Variants in CNTN4 observed in about 807,000 individuals in gnomAD.
CNTN4 encodes the protein contactin 4.
In CNTN4, 77 loss-of-function variants were observed where a neutral mutation model predicts 122.5. The observed-to-expected ratio is 0.63, with a 90% CI of 0.52 to 0.76. The LOEUF is 0.76. CNTN4 is among the 30% of genes least tolerant of loss of function. The probability of loss-of-function intolerance (pLI) is 0.00; values close to 1 mark genes in which losing one functional copy is unlikely to be tolerated. For synonymous variants in CNTN4, 512 were observed against 447.0 expected (o/e 1.15, Z -1.83); for missense variants, 1,256 against 1,259.1 (o/e 1.00, Z 0.04).
At chr3:2,651,450 A>G (rs1342552152) in intron 4 of CNTN4, among the ~76,000 whole-genome samples, 1 of 152,182 alleles carries the variant, frequency 6.6e-6, no homozygotes, top group Non-Finnish European at 1.5e-5. Flanking sequence ...TGGAACCTAC[A>G]AGACAAGCAC....
chr3:2,850,114 C>T lies in CNTN4; in HGVS notation c.455-16638C>T, dbSNP rs780448760. ...AAGTGATTCTCCTGCCTCAGCCTCC[C>T]GAATAGCTGGGATTACAGGCACGCC... On this transcript the variant is annotated intron_variant, in intron 7 of 24. Coordinates refer to ENST00000418658, the MANE Select transcript of CNTN4 (RefSeq NM_175607.3). 3.3e-5 allele frequency among the ~76,000 whole-genome samples: 5 copies of T among 151,904 alleles called. No homozygotes were observed. The South Asian group carries it at 6.3e-4, about 19-fold the overall frequency.
At chr3:2,627,763 G>C (rs1044584739) in intron 4 of CNTN4, among the ~76,000 whole-genome samples, 5 of 152,218 alleles carry the variant, frequency 3.3e-5, no homozygotes, top group South Asian at 4.2e-4. Flanking sequence ...AAAGTGCTGG[G>C]ATTACAGGCG....
chr3:2,387,880 A>G (rs1026053665), intron 3 of CNTN4, among the ~76,000 whole-genome samples: 1 of 152,206 alleles, frequency 6.6e-6, no homozygotes, highest in Non-Finnish European at 1.5e-5. Context: ...ATAAAGTGTG[A>G]ATCAAATTGA....
intron 6 of CNTN4, among the ~76,000 whole-genome samples, chr3:2,800,079 C>CTTTT (rs11449693): frequency 7.3e-6 from 1 of 136,490 alleles, no homozygotes; most frequent in African/African-American, 2.7e-5. Flanking sequence ...ATGCCATCTA[C>CTTTT]TTTTTTTTTT....
rs1576528829 is a variant in CNTN4 at position 2,709,332 on chromosome 3, C to T, written c.56-26883C>T. ...CTCAACCTTGGCTGCATATTAGAAT[C>T]ATCTGGGGGTCCTTAAAAAATACTG... is the stretch of plus-strand genomic sequence containing the variant. On this transcript the variant is annotated intron_variant, in intron 4 of 24. Transcript: ENST00000418658. This position sits in a 1 kb window ranked among gnomAD's most constrained non-coding sequence, Gnocchi z 5.0. Among the ~76,000 whole-genome samples the T allele has an allele frequency of 1.3e-5, 2 of 152,146 alleles. No individual in the cohort carries two copies. The highest frequency in any genetic ancestry group is 6.5e-5 in the Admixed American group (1 of 15,274).
chr3:2,575,995 T>C lies in CNTN4; in HGVS notation c.55+4437T>C, dbSNP rs138550747. 2.8e-3 allele frequency among the ~76,000 whole-genome samples: 420 copies of C among 151,848 alleles called. 4 individuals are homozygous for C. Among genetic ancestry groups the C allele is most frequent in the African/African-American group, 5.4e-3 (225 of 41,438 alleles). ...GACTACAGGCACATGCCACCATGCCTGGCTAATTTTTTTGTATTTTTAGTA... is the reference window on the plus strand; with the variant it reads ...GACTACAGGCACATGCCACCATGCCCGGCTAATTTTTTTGTATTTTTAGTA... On this transcript the variant is annotated intron_variant, in intron 4 of 24. Transcript: ENST00000418658.
chr3:2,646,711 C>G (rs1225890899), intron 4 of CNTN4, among the ~76,000 whole-genome samples: 3 of 152,112 alleles, frequency 2.0e-5, no homozygotes, highest in Admixed American at 1.3e-4. Context: ...GCTAGAAGTC[C>G]AAGATCAAGG....
chr3:2,110,190 G>A (rs2032832006), intron 2 of CNTN4, among the ~76,000 whole-genome samples: 1 of 152,204 alleles, frequency 6.6e-6, no homozygotes, highest in Non-Finnish European at 1.5e-5. Flanking sequence ...TTGAATCCTT[G>A]TTTTGTCTCT....
intron 10 of CNTN4, among the ~76,000 whole-genome samples, chr3:2,894,646 G>A (rs1392453678): frequency 6.6e-6 from 1 of 152,062 alleles, no homozygotes. Context: ...AGAAGGGGAT[G>A]GATTCAGCTG....
At chr3:2,911,194 AC>A (rs1382682973) in intron 12 of CNTN4, among the ~76,000 whole-genome samples, 1 of 122,694 alleles carries the variant, frequency 8.2e-6, no homozygotes, top group Non-Finnish European at 1.7e-5. Context: ...CCCCCTGAGA[AC>A]AAAGTCTTAT....
In CNTN4 at chr3:2,974,545, A is replaced by G. The variant is rs1408120457; in HGVS notation, c.1359-13800A>G. Reference sequence around the variant, plus strand: ...GAGCCCAGAGGGGTTGAGACTCCCAAGTCACACGTCTAGCAGATAAAGAGG... The same window carrying G: ...GAGCCCAGAGGGGTTGAGACTCCCAGGTCACACGTCTAGCAGATAAAGAGG... On this transcript the variant is annotated intron_variant, in intron 13 of 24. Coordinates refer to ENST00000418658, the MANE Select transcript of CNTN4 (RefSeq NM_175607.3). 2.0e-5 allele frequency among the ~76,000 whole-genome samples: 3 copies of G among 152,206 alleles called. No homozygotes were observed. The East Asian group carries it at 5.8e-4, about 29-fold the overall frequency.
chr3:2,305,754 C>T (rs1037241763), intron 2 of CNTN4, among the ~76,000 whole-genome samples: 2 of 152,042 alleles, frequency 1.3e-5, no homozygotes, highest in Admixed American at 6.6e-5. Context: ...TTTTCAAAAC[C>T]AAAGGAAACC....
intron 4 of CNTN4, among the ~76,000 whole-genome samples, chr3:2,719,739 A>G (rs547915088): frequency 1.3e-5 from 2 of 152,250 alleles, no homozygotes; most frequent in South Asian, 4.1e-4. Flanking sequence ...TTCACTTTTG[A>G]AATAGAATGA....
intron 3 of CNTN4, among the ~76,000 whole-genome samples, chr3:2,450,022 A>G (rs565023292): frequency 3.8e-4 from 58 of 152,294 alleles, no homozygotes; most frequent in Non-Finnish European, 5.9e-4. Flanking sequence ...GATCTGTTGT[A>G]CAACATAGTG....
chr3:2,264,968 A>G (rs1251317355), intron 2 of CNTN4, among the ~76,000 whole-genome samples: 1 of 152,042 alleles, frequency 6.6e-6, no homozygotes, highest in Non-Finnish European at 1.5e-5. Context: ...TCACCCAGGC[A>G]GTGTACAATA....
At chr3:2,349,935 A>T (rs1456434718) in intron 3 of CNTN4, among the ~76,000 whole-genome samples, 1 of 152,186 alleles carries the variant, frequency 6.6e-6, no homozygotes, top group Non-Finnish European at 1.5e-5. Context: ...ATGAAATAGC[A>T]TACAACAGGA....
chr3:2,321,940 A>C (rs1002876489), intron 2 of CNTN4, among the ~76,000 whole-genome samples: 12 of 152,168 alleles, frequency 7.9e-5, no homozygotes, highest in African/African-American at 2.2e-4. Context: ...CATGATCCTT[A>C]ATATAAACCA....
chr3:2,784,426 A>AATATAATTT (rs1339265808), intron 6 of CNTN4, among the ~76,000 whole-genome samples: 1 of 152,188 alleles, frequency 6.6e-6, no homozygotes. Context: ...ATATAATTAG[A>AATATAATTT]CCCTTTTTTC....
At chr3:2,634,871 A>C (rs2082595294) in intron 4 of CNTN4, among the ~76,000 whole-genome samples, 1 of 151,830 alleles carries the variant, frequency 6.6e-6, no homozygotes. Context: ...ATAACAATAA[A>C]ATAAAAAATT....
Sources: gnomAD v4.1 joint callset for allele counts (sites outside exome capture counted in the v4.1 genomes callset) on GRCh38, gnomAD v4.1.1 for gene constraint, Gnocchi (gnomAD v3.1) non-coding constraint, MANE v1.5 for transcripts, NCBI Gene and HGNC (gene_info 2026-07-23, HGNC 2026-07-21) for gene names.